COG8: variants seen among roughly 807,000 people sequenced by gnomAD.
COG8 encodes the protein conserved oligomeric Golgi complex subunit 8.
In COG8, 45 loss-of-function variants were observed where a neutral mutation model predicts 46.5. The observed-to-expected ratio is 0.97, with a 90% CI of 0.76 to 1.24. The LOEUF is 1.24. Ranked by LOEUF, COG8 falls within the 50% of genes most tolerant of loss-of-function variation. The probability of loss-of-function intolerance (pLI) is 0.00; values close to 1 mark genes in which losing one functional copy is unlikely to be tolerated. For missense variants in COG8, 793 were observed against 820.8 expected, an observed-to-expected ratio of 0.97 and a Z score of 0.41; for synonymous variants, 407 against 347.8, an observed-to-expected ratio of 1.17 and a Z score of -1.90.
chr16:69,336,586 G>A lies in COG8; in HGVS notation c.504C>T (p.Asn168=). ...IPQLMDTCVR[N]SYYEEALELA... is the part of the protein sequence containing the mutation. ...GCTCCAGGGCCTCTTCATAATAACTGTTCCGGACACAGGTGTCCATGAGCT... is the reference window on the plus strand; with the variant it reads ...GCTCCAGGGCCTCTTCATAATAACTATTCCGGACACAGGTGTCCATGAGCT... The change falls in exon 2 of 6, where the codon AAC becomes AAT. Residue 168 remains asparagine, a synonymous_variant. Coordinates refer to ENST00000306875, the MANE Select transcript of COG8 (RefSeq NM_032382.5). 6.2e-7 allele frequency: 1 copy of A among 1,614,132 alleles called. No individual in the cohort carries two copies. The highest frequency in any genetic ancestry group is 8.5e-7 in the Non-Finnish European group (1 of 1,180,026).
chr16:69,332,275 G>A (rs113161132), intron 4 of COG8, among the ~76,000 whole-genome samples: 339 of 152,194 alleles, frequency 2.2e-3, no homozygotes, highest in Non-Finnish European at 3.4e-3. Flanking sequence ...GCTTGAACCC[G>A]GGAGGTGGAG....
chr16:69,337,011 A>G (rs2143363042), intron 1 of COG8, among the ~76,000 whole-genome samples: 1 of 152,296 alleles, frequency 6.6e-6, no homozygotes, highest in African/African-American at 2.4e-5. Flanking sequence ...GTAAAACGGT[A>G]TATAGGGCCA....
chr16:69,334,418 C>T, intron 3 of COG8, 103 bp downstream of exon 3: 7 of 1,048,064 alleles, frequency 6.7e-6, no homozygotes, highest in Non-Finnish European at 8.7e-6. Context: ...TAGACCTCTC[C>T]ATGTCAGCAG....
intron 4 of COG8, among the ~76,000 whole-genome samples, chr16:69,331,474 AAAAG>A (rs2011834845): frequency 6.7e-6 from 1 of 148,730 alleles, no homozygotes; most frequent in East Asian, 1.9e-4. Flanking sequence ...AAAAAAAAAA[AAAAG>A]GAAATTTAAG....
At chr16:69,338,059 C>CT (rs35651287) in intron 1 of COG8, 1 of 152,726 alleles carries the variant, frequency 6.5e-6, no homozygotes, top group Non-Finnish European at 1.5e-5. Context: ...GAGAGTTTCA[C>CT]TTTGTCACCC....
In COG8 at chr16:69,329,122, A is replaced by T; in HGVS notation, c.*84T>A. ...CAGGTGGTCCATCTCGTGCTGGATG[A>T]TGCGGGCTGCCCACCCGCTCGCCTG... On this transcript the variant is annotated 3_prime_UTR_variant, in exon 6 of 6. Coordinates refer to ENST00000306875, the MANE Select transcript of COG8 (RefSeq NM_032382.5). The T allele has an allele frequency of 6.2e-7, 1 of 1,610,190 alleles. No homozygotes were observed. Among genetic ancestry groups the T allele is most frequent in the Non-Finnish European group, 8.5e-7 (1 of 1,179,274 alleles).
chr16:69,332,348 CAAAA>C (rs528941857), intron 4 of COG8, among the ~76,000 whole-genome samples: 1 of 130,726 alleles, frequency 7.6e-6, no homozygotes, highest in East Asian at 2.3e-4. Context: ...GACTCCGCCT[CAAAA>C]AAAAAAAAGA....
rs1022004544 is a variant in COG8, at chr16:69,330,518, G to A, written c.*26+295C>T. 36 of 1,473,728 alleles carry A rather than the reference G, an allele frequency of 2.4e-5. No individual in the cohort carries two copies. Among genetic ancestry groups the A allele is most frequent in the Admixed American group, 2.4e-4 (10 of 41,078 alleles). The allele number at this position is 1,473,728 out of a possible 1,614,324, so 91.3% of individuals were successfully genotyped here. On this transcript the variant is annotated intron_variant, in intron 5 of 5. Coordinates refer to ENST00000306875, the MANE Select transcript of COG8 (RefSeq NM_032382.5). ...ACCGACGGCTGCCGCCCCGCCCCAC[G>A]GCACGGCCGCCCACAGTGGCCAAAG...
In COG8 at chr16:69,339,536, G is replaced by A; in HGVS notation, c.17C>T (p.Thr6Ile). Residue 6 changes from threonine (T) to isoleucine (I), a missense_variant, in exon 1 of 6, where the codon ACT (threonine) becomes ATT (isoleucine). By Grantham distance (89) the Thr-to-Ile change is moderately conservative (BLOSUM62 -1). Coordinates refer to ENST00000306875, the MANE Select transcript of COG8 (RefSeq NM_032382.5). MATAA[T>I]IPSVATATAA... ...TGTGGCCGTGGCTACCGATGGGATA[G>A]TCGCCGCGGTCGCCATCTTCCCAGC... 1.9e-6 allele frequency: 3 copies of A among 1,608,688 alleles called. No homozygotes were observed. Among genetic ancestry groups the A allele is most frequent in the East Asian group, 2.2e-5 (1 of 44,872 alleles).
At chr16:69,330,506 G>A (rs532018045) in intron 5 of COG8, 2 of 1,471,984 alleles carry the variant, frequency 1.4e-6, no homozygotes, top group South Asian at 1.3e-5. Context: ...GACGGCTGCC[G>A]CCCCGCCCCA....
At chr16:69,330,767 C>T (rs933901463) in intron 5 of COG8, 46 bp downstream of exon 5, 4 of 1,465,572 alleles carry the variant, frequency 2.7e-6, no homozygotes, top group African/African-American at 1.4e-5. Flanking sequence ...CCGGACCTTC[C>T]AGGGCGAGGC....
intron 5 of COG8, among the ~76,000 whole-genome samples, chr16:69,329,749 C>A (rs1389162922): frequency 6.6e-6 from 1 of 152,246 alleles, no homozygotes; most frequent in Admixed American, 6.5e-5. Context: ...AGCAAGGGAG[C>A]AGAAAGCAGA....
chr16:69,329,659 G>A lies in COG8; in HGVS notation c.*27-480C>T, dbSNP rs141644076. Among the ~76,000 whole-genome samples the A allele has an allele frequency of 1.5e-4, 23 of 152,384 alleles. No individual in the cohort carries two copies. In the East Asian group the frequency reaches 3.9e-3, roughly 26 times the overall value. On this transcript the variant is annotated intron_variant, in intron 5 of 5. Transcript: ENST00000306875. ...GGCCTAGCCCCCTGGGCTGGGTCAG[G>A]CTGGCGGGGGCTAACCCCCACTTCT... is the stretch of plus-strand genomic sequence containing the variant.
In COG8 at chr16:69,328,780, A is replaced by C. The variant is rs1965683008; in HGVS notation, c.*426T>G. Reference sequence around the variant, plus strand: ...CCACCTTCCTCCATACAGAATTGTTAGGAAATGTCCACTCCTTTGGGGGTG... The same window carrying C: ...CCACCTTCCTCCATACAGAATTGTTCGGAAATGTCCACTCCTTTGGGGGTG... On this transcript the variant is annotated 3_prime_UTR_variant, in exon 6 of 6. Transcript: ENST00000306875. The C allele has an allele frequency of 2.0e-6, 1 of 504,798 alleles. No homozygotes were observed. Among genetic ancestry groups the C allele is most frequent in the Non-Finnish European group, 3.4e-6 (1 of 291,728 alleles). 31.3% of individuals were successfully genotyped at this position (504,798 alleles called of 1,614,324 possible). A position where few individuals can be genotyped will look rare whatever the true frequency, so the allele number is the denominator to read the frequency against.
chr16:69,328,971 GA>G lies in COG8; in HGVS notation c.*234del, dbSNP rs1965688858. The G allele has an allele frequency of 1.9e-6, 3 of 1,577,646 alleles. No individual in the cohort carries two copies. In the Admixed American group the frequency reaches 5.6e-5, roughly 29 times the overall value. On this transcript the variant is annotated 3_prime_UTR_variant, in exon 6 of 6. Transcript: ENST00000306875. ...AAGTAAGATTTGCCCAGCTCAAAGT[GA>G]AAGTGTTTGCGTCTTGGTATCCGGA...
intron 4 of COG8, among the ~76,000 whole-genome samples, chr16:69,331,755 C>T (rs898218209): frequency 6.6e-6 from 1 of 152,078 alleles, no homozygotes; most frequent in African/African-American, 2.4e-5. Context: ...TCCGCCTCGG[C>T]CTCCCAAAGT....
At chr16:69,332,672 T>G in intron 4 of COG8, 42 bp downstream of exon 4, 1 of 1,532,776 alleles carries the variant, frequency 6.5e-7, no homozygotes, top group Admixed American at 1.7e-5. Flanking sequence ...GTATGTGAAT[T>G]ACACATCAGT....
chr16:69,339,251 T>C lies in COG8; in HGVS notation c.302A>G (p.His101Arg). ...CGCCTCCACGTCGCCAAACAGGCGG[T>C]GGATGCGCTCGGTGCACTCGGCGCC... ...IRGAECTERI[H>R]RLFGDVEASL... Residue 101 changes from histidine to arginine, a missense_variant, in exon 1 of 6, where the codon CAC becomes CGC. By Grantham distance (29) the His-to-Arg change is conservative. Coordinates refer to ENST00000306875, the MANE Select transcript of COG8 (RefSeq NM_032382.5). 1 of 1,612,640 alleles carries C rather than the reference T, an allele frequency of 6.2e-7. No homozygotes were observed. Among genetic ancestry groups the C allele is most frequent in the Non-Finnish European group, 8.5e-7 (1 of 1,179,796 alleles).
intron 1 of COG8, among the ~76,000 whole-genome samples, chr16:69,337,410 A>G (rs1362808941): frequency 6.6e-6 from 1 of 152,236 alleles, no homozygotes; most frequent in African/African-American, 2.4e-5. Context: ...AAATAGTAAA[A>G]GAGACACAGT....
Sources: allele counts gnomAD v4.1 joint callset (sites outside exome capture counted in the v4.1 genomes callset), GRCh38; gene constraint gnomAD v4.1.1; transcripts MANE v1.5; gene names NCBI Gene and HGNC (gene_info 2026-07-23, HGNC 2026-07-21).